The following PDIA5 variants were observed in gnomAD, a reference collection of about 807,000 sequenced individuals.
PDIA5 encodes protein disulfide-isomerase A5.
In PDIA5, 58 loss-of-function variants were observed where a neutral mutation model predicts 77.6. That is an observed-to-expected ratio of 0.75 (90% CI 0.61 to 0.93). The LOEUF (loss-of-function observed/expected upper bound fraction) is 0.93, where lower values mean the gene tolerates loss of function less well. Among genes scored for constraint, PDIA5 ranks in the 40% least tolerant of loss-of-function variants. The probability of loss-of-function intolerance (pLI) is 0.00; values close to 1 mark genes in which losing one functional copy is unlikely to be tolerated. For synonymous variants in PDIA5, 250 were observed against 252.1 expected, an observed-to-expected ratio of 0.99 and a Z score of 0.08; for missense variants, 630 against 647.7, an observed-to-expected ratio of 0.97 and a Z score of 0.30.
intron 11 of PDIA5, among the ~76,000 whole-genome samples, chr3:123,140,007 T>C (rs1267395523): frequency 6.6e-6 from 1 of 152,112 alleles, no homozygotes; most frequent in Non-Finnish European, 1.5e-5. Context: ...GGAGAGGGCA[T>C]GATAGCATGA....
At chr3:123,146,837 G>C (rs1935783608) in intron 13 of PDIA5, among the ~76,000 whole-genome samples, 2 of 151,968 alleles carry the variant, frequency 1.3e-5, no homozygotes, top group Admixed American at 6.6e-5. Flanking sequence ...GTTTTGTTTT[G>C]AGACAGTCTC....
intron 11 of PDIA5, among the ~76,000 whole-genome samples, chr3:123,132,768 T>C (rs1016349573): frequency 6.6e-6 from 1 of 152,168 alleles, no homozygotes; most frequent in African/African-American, 2.4e-5. Context: ...TGCACCCCTG[T>C]CCCAGCCGTG....
chr3:123,075,275 C>A (rs963182627), intron 1 of PDIA5, among the ~76,000 whole-genome samples: 2 of 152,132 alleles, frequency 1.3e-5, no homozygotes, highest in Admixed American at 6.6e-5. Flanking sequence ...GAAGAGAGGT[C>A]TGATCTGGAG....
chr3:123,139,769 G>A (rs1396541960), intron 11 of PDIA5, among the ~76,000 whole-genome samples: 1 of 152,184 alleles, frequency 6.6e-6, no homozygotes, highest in Non-Finnish European at 1.5e-5. Context: ...AACCTTGTGT[G>A]TACAGGTGTA....
chr3:123,128,492 ATTTATTT>A (rs1051102502), intron 10 of PDIA5, among the ~76,000 whole-genome samples: 6 of 151,784 alleles, frequency 4.0e-5, no homozygotes, highest in Non-Finnish European at 8.8e-5. Flanking sequence ...ACATAATTCA[ATTTATTT>A]TTTATTTTTT....
At position 123,070,089 on chromosome 3, in the gene PDIA5, C is replaced by CAA. The variant is rs771690653; in HGVS notation, c.42+2897_42+2898dup. Reference sequence around the variant, plus strand: ...TGGGGGATGGAGCAAGACTCCATCTCAAAAAAAAAAAAAAAGAAGAAGAAG... The same window carrying CAA: ...TGGGGGATGGAGCAAGACTCCATCTCAAAAAAAAAAAAAAAAAGAAGAAGAAG... On this transcript the variant is annotated intron_variant, in intron 1 of 16. Transcript: ENST00000316218. Among the ~76,000 whole-genome samples, 140 of 72,396 alleles carry CAA rather than the reference C, an allele frequency of 1.9e-3. 3 individuals are homozygous for CAA. Among genetic ancestry groups the CAA allele is most frequent in the African/African-American group, 5.7e-3 (131 of 23,174 alleles). 47.5% of individuals were successfully genotyped at this position (72,396 alleles called of 152,430 possible). A position where few individuals can be genotyped will look rare whatever the true frequency, so the allele number is the denominator to read the frequency against.
chr3:123,107,337 G>A (rs1934760427), intron 6 of PDIA5, among the ~76,000 whole-genome samples: 1 of 152,056 alleles, frequency 6.6e-6, no homozygotes, highest in Non-Finnish European at 1.5e-5. Flanking sequence ...TTTGGCCAGG[G>A]GTGGAGGTAG....
intron 15 of PDIA5, among the ~76,000 whole-genome samples, chr3:123,159,048 A>G (rs916440338): frequency 6.6e-6 from 1 of 152,232 alleles, no homozygotes; most frequent in Admixed American, 6.5e-5. Context: ...ACAAGTATAC[A>G]TTTCTAATTT....
intron 15 of PDIA5, among the ~76,000 whole-genome samples, chr3:123,159,104 C>T (rs1394347208): frequency 6.6e-6 from 1 of 152,202 alleles, no homozygotes; most frequent in Admixed American, 6.5e-5. Flanking sequence ...AGCTCCAGGG[C>T]ATTGTATACA....
intron 10 of PDIA5, among the ~76,000 whole-genome samples, chr3:123,125,099 C>T (rs559616641): frequency 7.4e-4 from 112 of 152,302 alleles, no homozygotes; most frequent in Admixed American, 2.2e-3. Context: ...AGCACTTCCA[C>T]GACAGGCTCA....
chr3:123,102,437 A>G lies in PDIA5; in HGVS notation c.284A>G (p.Lys95Arg). 1 of 1,614,090 alleles carries G rather than the reference A, an allele frequency of 6.2e-7. No homozygotes were observed. Among genetic ancestry groups the G allele is most frequent in the Non-Finnish European group, 8.5e-7 (1 of 1,179,886 alleles). Residue 95 changes from lysine to arginine, a missense_variant, in exon 4 of 17, where the codon AAG becomes AGG. By Grantham distance (26) the Lys-to-Arg change is conservative. Coordinates refer to ENST00000316218, the MANE Select transcript of PDIA5 (RefSeq NM_006810.4). Reference sequence around the variant, plus strand: ...GATGCAGAGAGTAGAAAATTGTGCAAGAAGATGAAAGTTGACCTGAGCCCG... The same window carrying G: ...GATGCAGAGAGTAGAAAATTGTGCAGGAAGATGAAAGTTGACCTGAGCCCG... ...CGDAESRKLC[K>R]KMKVDLSPKD...
At chr3:123,114,366 A>ACC (rs11429345) in intron 7 of PDIA5, among the ~76,000 whole-genome samples, 20 of 151,326 alleles carry the variant, frequency 1.3e-4, no homozygotes, top group African/African-American at 4.6e-4. Context: ...ACTGGGAAGC[A>ACC]CCCCCCCAAA....
chr3:123,071,532 A>G (rs1449961539), intron 1 of PDIA5, among the ~76,000 whole-genome samples: 2 of 152,232 alleles, frequency 1.3e-5, no homozygotes, highest in Non-Finnish European at 2.9e-5. Context: ...CTGAATTGCC[A>G]TTTAAAATGC....
At chr3:123,081,203 G>T (rs1203451270) in intron 1 of PDIA5, among the ~76,000 whole-genome samples, 1 of 152,228 alleles carries the variant, frequency 6.6e-6, no homozygotes, top group Admixed American at 6.5e-5. Context: ...TTCTCTGGTG[G>T]TGGTCGTGAG....
chr3:123,115,878 GCT>G (rs1179049373), intron 7 of PDIA5, among the ~76,000 whole-genome samples: 1 of 152,248 alleles, frequency 6.6e-6, no homozygotes, highest in Non-Finnish European at 1.5e-5. Context: ...TGCAGCAGTT[GCT>G]CTCTTGACAC....
At chr3:123,155,209 G>C (rs1045822875) in intron 15 of PDIA5, among the ~76,000 whole-genome samples, 168 bp downstream of exon 15, 3 of 152,200 alleles carry the variant, frequency 2.0e-5, no homozygotes, top group Non-Finnish European at 4.4e-5. Flanking sequence ...GGGCAGGCTG[G>C]ATTTATGCTG....
At chr3:123,151,749 TGCC>T (rs1339232663) in intron 14 of PDIA5, among the ~76,000 whole-genome samples, 2 of 135,480 alleles carry the variant, frequency 1.5e-5, no homozygotes, top group Non-Finnish European at 1.6e-5. Flanking sequence ...CCTGCCTGCC[TGCC>T]TGCCTGCCTG....
chr3:123,124,184 C>G (rs1215926000), intron 9 of PDIA5, 27 bp downstream of exon 9: 1 of 1,593,010 alleles, frequency 6.3e-7, no homozygotes, highest in East Asian at 2.2e-5. Flanking sequence ...CCTTCTAAAG[C>G]TCACCTCCCT....
At chr3:123,076,590 A>G (rs1028213522) in intron 1 of PDIA5, among the ~76,000 whole-genome samples, 3 of 152,218 alleles carry the variant, frequency 2.0e-5, no homozygotes, top group Middle Eastern at 3.2e-3. Context: ...GCTTCAGAGG[A>G]TGAAATGAGA....
Sources: allele counts gnomAD v4.1 joint callset (sites outside exome capture counted in the v4.1 genomes callset), GRCh38; gene constraint gnomAD v4.1.1; transcripts MANE v1.5; gene names NCBI Gene and HGNC (gene_info 2026-07-23, HGNC 2026-07-21).